Variants in OR8B3 observed in about 807,000 individuals in gnomAD.
OR8B3 encodes olfactory receptor family 8 subfamily B member 3.
For synonymous variants in OR8B3, 102 were observed against 135.4 expected (o/e 0.75, Z 1.71); for missense variants, 278 against 377.6 (o/e 0.74, Z 2.19).
Position 124,396,289 on chromosome 11 carries a change from G to A in OR8B3, c.*121C>T, listed in dbSNP as rs1258165146. 8.8e-6 allele frequency: 8 copies of A among 904,926 alleles called. No individual in the cohort carries two copies. The highest frequency in any genetic ancestry group is 1.1e-5 in the Non-Finnish European group (7 of 619,630). 56.1% of individuals were successfully genotyped at this position (904,926 alleles called of 1,614,324 possible). ...GACAAGATGATTTCATAAGAGAAAT[G>A]ATAAGACAAGTTTATTAAATCACAC... On this transcript the variant is annotated 3_prime_UTR_variant, in exon 2 of 2. Transcript: ENST00000641139.
At chr11:124,402,394 G>C (rs761571935), upstream of OR8B3, among the ~76,000 whole-genome samples, 33 of 152,094 alleles carry the variant, frequency 2.2e-4, no homozygotes, top group Non-Finnish European at 4.0e-4. Context: ...GTAAATTATA[G>C]CTTTAATTTT....
At chr11:124,398,131 AG>A (rs1306120313) in intron 1 of OR8B3, among the ~76,000 whole-genome samples, 1 of 152,210 alleles carries the variant, frequency 6.6e-6, no homozygotes, top group Non-Finnish European at 1.5e-5. Context: ...GGTCTCCTAT[AG>A]GGTTTCTAGA....
upstream of OR8B3, among the ~76,000 whole-genome samples, chr11:124,400,087 C>T (rs1860965448): frequency 6.6e-6 from 1 of 152,118 alleles, no homozygotes; most frequent in Admixed American, 6.5e-5. Context: ...TCTTGAACTC[C>T]TGGGATCAAG....
At chr11:124,407,837 A>G in the OR8B3 span, among the ~76,000 whole-genome samples, 3 of 152,152 alleles carry the variant, frequency 2.0e-5, no homozygotes, top group African/African-American at 7.2e-5. Flanking sequence ...GAACATATTG[A>G]TACAATATGT....
In OR8B3 at chr11:124,396,243, A is replaced by T; in HGVS notation, c.*167T>A. 1 of 652,356 alleles carries T rather than the reference A, an allele frequency of 1.5e-6. No homozygotes were observed. Among genetic ancestry groups the T allele is most frequent in the Non-Finnish European group, 2.5e-6 (1 of 395,350 alleles). 40.4% of individuals were successfully genotyped at this position (652,356 alleles called of 1,614,324 possible). On this transcript the variant is annotated 3_prime_UTR_variant, in exon 2 of 2. Transcript: ENST00000641139. ...TTAGTAAAATTGTGAGAAGTGCCAG[A>T]GATGCAAAACCAAAAAAAGAGACAA...
intron 1 of OR8B3, among the ~76,000 whole-genome samples, chr11:124,398,373 G>A (rs1198273454): frequency 1.3e-5 from 2 of 152,178 alleles, no homozygotes; most frequent in Admixed American, 6.5e-5. Context: ...TAGTTGTTAA[G>A]TTTGTAAAAT....
At chr11:124,404,930 G>A in the OR8B3 span, 4 of 152,210 alleles carry the variant, frequency 2.6e-5, no homozygotes, top group East Asian at 7.7e-4. Context: ...ATGAAGGATA[G>A]CGTGAAGAGG....
In OR8B3 at chr11:124,396,064, T is replaced by A. The variant is rs903576363; in HGVS notation, c.*346A>T. On this transcript the variant is annotated 3_prime_UTR_variant, in exon 2 of 2. Coordinates refer to ENST00000641139, the MANE Select transcript of OR8B3 (RefSeq NM_001005467.2). The stretch of plus-strand genomic sequence containing the variant: ...TTCTATCATATTTGGCACTTCTGAG[T>A]TTAGGTGAGAAAGCCGTGACTTTGA... 6.0e-5 allele frequency: 11 copies of A among 184,600 alleles called. No individual in the cohort carries two copies. The highest frequency in any genetic ancestry group is 2.4e-4 in the African/African-American group (10 of 42,306). The allele number at this position is 184,600 out of a possible 1,614,324, so 11.4% of individuals were successfully genotyped here. A position where few individuals can be genotyped will look rare whatever the true frequency, so the allele number is the denominator to read the frequency against.
upstream of OR8B3, among the ~76,000 whole-genome samples, chr11:124,401,811 G>A (rs771254933): frequency 2.0e-5 from 3 of 152,116 alleles, no homozygotes; most frequent in Non-Finnish European, 4.4e-5. Context: ...AGGATTTCTG[G>A]CCTGGTCTCC....
At chr11:124,409,452 GAGC>G in the OR8B3 span, among the ~76,000 whole-genome samples, 1 of 152,152 alleles carries the variant, frequency 6.6e-6, no homozygotes, top group African/African-American at 2.4e-5. Context: ...GTTAATAAAA[GAGC>G]TTAGCATTGT....
chr11:124,408,724 A>C, the OR8B3 span, among the ~76,000 whole-genome samples: 1 of 152,140 alleles, frequency 6.6e-6, no homozygotes, highest in Non-Finnish European at 1.5e-5. Flanking sequence ...CCTTCATATA[A>C]ATTGAAGACT....
rs1353343336 is a variant in OR8B3 at position 124,395,617 on chromosome 11, A to G, written c.*793T>C. ...TAAAAAAATAACATTTACAGTAGGAACTACACGCTTTTTTCAAAATTTTCA... is the reference window on the plus strand; with the variant it reads ...TAAAAAAATAACATTTACAGTAGGAGCTACACGCTTTTTTCAAAATTTTCA... On this transcript the variant is annotated 3_prime_UTR_variant, in exon 2 of 2. Transcript: ENST00000641139. 1 of 152,188 alleles carries G rather than the reference A, an allele frequency of 6.6e-6. No homozygotes were observed. The allele number at this position is 152,188 out of a possible 1,614,324, so 9.4% of individuals were successfully genotyped here. A position where few individuals can be genotyped will look rare whatever the true frequency, so the allele number is the denominator to read the frequency against.
chr11:124,404,660 G>A, the OR8B3 span: 2 of 152,170 alleles, frequency 1.3e-5, no homozygotes, highest in African/African-American at 4.8e-5. Context: ...AGCAGATCCT[G>A]TTTATCCCAT....
At chr11:124,399,149 T>C (rs1824351516), upstream of OR8B3, 1 of 152,186 alleles carries the variant, frequency 6.6e-6, no homozygotes, top group Non-Finnish European at 1.5e-5. Context: ...CCACAGGGCA[T>C]AGGAGAAAGA....
chr11:124,403,340 G>T (rs1279754595), upstream of OR8B3, among the ~76,000 whole-genome samples: 1 of 152,144 alleles, frequency 6.6e-6, no homozygotes, highest in African/African-American at 2.4e-5. Flanking sequence ...ATGAGCTGTT[G>T]GGTACACCTC....
rs1860899322 is a variant in OR8B3 at position 124,397,189 on chromosome 11, G to C, written c.163C>G (p.Leu55Val). 3.1e-6 allele frequency: 5 copies of C among 1,611,924 alleles called. No homozygotes were observed. The East Asian group carries it at 1.1e-4, about 36-fold the overall frequency. The stretch of plus-strand genomic sequence containing the variant: ...AGGAAATAGTACATTGGTGTGTGGA[G>C]GTGAGAATTTAGACCGAAAAGAATG... The part of the protein sequence containing the change: ...LIILFGLNSH[L>V]HTPMYYFLFN... Residue 55 changes from leucine to valine, a missense_variant, in exon 2 of 2, where the codon CTC becomes GTC. By Grantham distance (32) the Leu-to-Val change is conservative. Coordinates refer to ENST00000641139, the MANE Select transcript of OR8B3 (RefSeq NM_001005467.2).
upstream of OR8B3, among the ~76,000 whole-genome samples, chr11:124,402,507 A>C (rs1861010463): frequency 2.0e-5 from 3 of 152,168 alleles, no homozygotes; most frequent in South Asian, 6.2e-4. Flanking sequence ...ATCCTCCACC[A>C]GGGGGTGCTG....
rs561568784 is a variant in OR8B3 at position 124,398,818 on chromosome 11, G to A, written c.-146C>T. The stretch of plus-strand genomic sequence containing the variant: ...TAGTCACAGAATCTTCTTCTCCCTT[G>A]ACTGGCAAAAGCATTGAGCAGAGAT... On this transcript the variant is annotated 5_prime_UTR_variant, in exon 1 of 2. Coordinates refer to ENST00000641139, the MANE Select transcript of OR8B3 (RefSeq NM_001005467.2). 1.8e-3 allele frequency: 275 copies of A among 152,246 alleles called. No homozygotes were observed. Among genetic ancestry groups the A allele is most frequent in the African/African-American group, 6.2e-3 (257 of 41,552 alleles). 9.4% of individuals were successfully genotyped at this position (152,246 alleles called of 1,614,324 possible).
At chr11:124,403,532 C>T (rs1203543010), upstream of OR8B3, among the ~76,000 whole-genome samples, 2 of 146,460 alleles carry the variant, frequency 1.4e-5, no homozygotes, top group African/African-American at 5.1e-5. Flanking sequence ...GGGGCAGAGG[C>T]GCTCCCCACA....
Sources: gnomAD v4.1 joint callset for allele counts (sites outside exome capture counted in the v4.1 genomes callset) on GRCh38, gnomAD v4.1.1 for gene constraint, MANE v1.5 for transcripts, NCBI Gene and HGNC (gene_info 2026-07-23, HGNC 2026-07-21) for gene names.